ERC2: variants seen among roughly 807,000 people sequenced by gnomAD.
The protein encoded by ERC2 is ELKS/RAB6-interacting/CAST family member 2.
In ERC2, 42 loss-of-function variants were observed where a neutral mutation model predicts 114.8. The observed-to-expected ratio is 0.37, with a 90% CI of 0.29 to 0.47. The LOEUF (loss-of-function observed/expected upper bound fraction) is 0.47. ERC2 is among the 20% of genes least tolerant of loss of function. The pLI is 0.99. For missense variants in ERC2, 939 were observed against 1,150.7 expected (o/e 0.82, Z 2.66); for synonymous variants, 454 against 425.5 (o/e 1.07, Z -0.82).
intron 17 of ERC2, among the ~76,000 whole-genome samples, chr3:55,524,496 A>G (rs1021380862): frequency 7.8e-6 from 1 of 127,914 alleles, no homozygotes; most frequent in African/African-American, 3.0e-5. Context: ...ACAAAGCTCC[A>G]GTGGTTTTTT....
intron 2 of ERC2, among the ~76,000 whole-genome samples, chr3:56,313,471 A>G (rs1026842925): frequency 6.6e-6 from 1 of 152,190 alleles, no homozygotes; most frequent in Non-Finnish European, 1.5e-5. Context: ...TTTACTCATC[A>G]TCGCTAGGCT....
At chr3:56,224,337 AC>A (rs2050114847) in intron 3 of ERC2, among the ~76,000 whole-genome samples, 1 of 152,238 alleles carries the variant, frequency 6.6e-6, no homozygotes, top group African/African-American at 2.4e-5. Context: ...CAGGGCACAC[AC>A]AAAAAAACCA....
intron 3 of ERC2, among the ~76,000 whole-genome samples, chr3:56,223,959 T>C (rs570568406): frequency 2.6e-5 from 4 of 152,344 alleles, no homozygotes; most frequent in South Asian, 2.1e-4. Flanking sequence ...GAGATATCCA[T>C]AGCAACTTAG....
At chr3:55,737,839 CAGAGGTGGT>C in intron 14 of ERC2, among the ~76,000 whole-genome samples, 1 of 152,130 alleles carries the variant, frequency 6.6e-6, no homozygotes. Flanking sequence ...CTTTGAAAGA[CAGAGGTGGT>C]ATTTCTTTTT....
intron 3 of ERC2, among the ~76,000 whole-genome samples, chr3:56,202,026 T>C (rs2048437789): frequency 6.6e-6 from 1 of 152,178 alleles, no homozygotes; most frequent in Admixed American, 6.5e-5. Flanking sequence ...ATCAAAATAG[T>C]CATCAGTCTG....
At chr3:55,700,945 A>T (rs1442382614) in intron 15 of ERC2, among the ~76,000 whole-genome samples, 1 of 152,174 alleles carries the variant, frequency 6.6e-6, no homozygotes, top group Non-Finnish European at 1.5e-5. Flanking sequence ...CTGCCATCCT[A>T]GAGACAAGCT....
Position 55,643,891 on chromosome 3 carries a change from C to T in ERC2, c.*39+39903G>A, listed in dbSNP as rs547684942. ...GCAGCTTTCACTATAAATATTTGGT[C>T]TCTGAGTTTCAAGATAAATGGAAAA... On this transcript the variant is annotated intron_variant, in intron 17 of 17. Coordinates refer to ENST00000288221, the MANE Select transcript of ERC2 (RefSeq NM_015576.3). 3.3e-5 allele frequency among the ~76,000 whole-genome samples: 5 copies of T among 152,224 alleles called. No individual in the cohort carries two copies. In the East Asian group the frequency reaches 9.6e-4, roughly 29 times the overall value.
chr3:56,242,852 A>G (rs2150208732), intron 3 of ERC2, among the ~76,000 whole-genome samples: 1 of 152,290 alleles, frequency 6.6e-6, no homozygotes, highest in African/African-American at 2.4e-5. Context: ...ACCAAGTAAA[A>G]AGCAGTTAAT....
chr3:56,128,704 C>T (rs2080031221), intron 6 of ERC2, among the ~76,000 whole-genome samples: 1 of 152,174 alleles, frequency 6.6e-6, no homozygotes, highest in African/African-American at 2.4e-5. Flanking sequence ...CTGATCATTT[C>T]TTTCCCTCCT....
intron 2 of ERC2, among the ~76,000 whole-genome samples, chr3:56,346,689 A>G (rs763379730): frequency 7.9e-5 from 12 of 152,218 alleles, no homozygotes; most frequent in South Asian, 4.1e-4. Flanking sequence ...TCAGTTCATA[A>G]CAATACTGTC....
intron 7 of ERC2, among the ~76,000 whole-genome samples, chr3:56,023,495 C>G (rs1413958658): frequency 6.6e-6 from 1 of 152,150 alleles, no homozygotes; most frequent in Non-Finnish European, 1.5e-5. Flanking sequence ...TGCACTCCAA[C>G]TGTTCACCTA....
intron 2 of ERC2, among the ~76,000 whole-genome samples, chr3:56,303,681 G>T (rs560840200): frequency 1.3e-5 from 2 of 152,322 alleles, no homozygotes; most frequent in East Asian, 3.9e-4. Flanking sequence ...AGGAGCAAAT[G>T]CCAATCTAAG....
At chr3:55,580,466 C>T (rs2057205696) in intron 17 of ERC2, among the ~76,000 whole-genome samples, 1 of 152,166 alleles carries the variant, frequency 6.6e-6, no homozygotes. Context: ...AAATCACTGC[C>T]TGGATCAGGG....
chr3:55,613,982 CAAAAAAAAAAAAA>C lies in ERC2; in HGVS notation c.*39+69799_*39+69811del, dbSNP rs60242810. On this transcript the variant is annotated intron_variant, in intron 17 of 17. Coordinates refer to ENST00000288221, the MANE Select transcript of ERC2 (RefSeq NM_015576.3). The stretch of plus-strand genomic sequence containing the variant: ...TGGGAGACAGAGTGAGACTTCCTCT[CAAAAAAAAAAAAA>C]AAAAAAAAAAAAAAAAAAGAAGACA... 6.4e-5 allele frequency among the ~76,000 whole-genome samples: 4 copies of C among 62,276 alleles called. No homozygotes were observed. The East Asian group carries it at 1.8e-3, about 28-fold the overall frequency. 40.9% of individuals were successfully genotyped at this position (62,276 alleles called of 152,430 possible).
At chr3:56,129,671 T>G (rs1467835189) in intron 6 of ERC2, among the ~76,000 whole-genome samples, 1 of 152,220 alleles carries the variant, frequency 6.6e-6, no homozygotes, top group Non-Finnish European at 1.5e-5. Flanking sequence ...GACGATTGGC[T>G]AATTGGATAT....
chr3:56,089,631 T>C (rs879404581), intron 6 of ERC2, among the ~76,000 whole-genome samples: 1 of 152,164 alleles, frequency 6.6e-6, no homozygotes, highest in Admixed American at 6.6e-5. Context: ...ATTAGCCATA[T>C]TTCAGGTGCT....
intron 13 of ERC2, among the ~76,000 whole-genome samples, chr3:55,914,399 A>T (rs2064981017): frequency 6.6e-6 from 1 of 152,220 alleles, no homozygotes; most frequent in South Asian, 2.1e-4. Context: ...AAAATGAAAC[A>T]GAAGTTCAGA....
At chr3:56,466,293 A>G (rs150585646) in intron 1 of ERC2, among the ~76,000 whole-genome samples, 1 of 152,370 alleles carries the variant, frequency 6.6e-6, no homozygotes, top group East Asian at 1.9e-4. Flanking sequence ...TTATGTTCAC[A>G]TCCAGGTACA....
intron 17 of ERC2, among the ~76,000 whole-genome samples, chr3:55,550,085 C>G (rs774420839): frequency 4.2e-4 from 64 of 152,122 alleles, no homozygotes; most frequent in Admixed American, 3.9e-4. Flanking sequence ...TCCTGTGCAC[C>G]TTTGCCCTTT....
Sources: allele counts gnomAD v4.1 joint callset (sites outside exome capture counted in the v4.1 genomes callset), GRCh38; gene constraint gnomAD v4.1.1; transcripts MANE v1.5; gene names NCBI Gene and HGNC (gene_info 2026-07-23, HGNC 2026-07-21).